ST3GAL1: variants seen among roughly 807,000 people sequenced by gnomAD.
ST3GAL1 encodes the protein CMP-N-acetylneuraminate-beta-galactosamide-alpha-2,3-sialyltransferase 1.
In ST3GAL1, 16 loss-of-function variants were observed where a neutral mutation model predicts 34.1. The ratio of observed to expected loss-of-function variants is 0.47; its 90% CI spans 0.32 to 0.71. ST3GAL1 has a LOEUF of 0.71. Ranked by LOEUF, ST3GAL1 falls within the 30% of genes least tolerant of loss-of-function variation. The pLI, the probability that ST3GAL1 is intolerant of heterozygous loss-of-function variation, is 0.04. For missense variants in ST3GAL1, 353 were observed against 447.4 expected (o/e 0.79, Z 1.90); for synonymous variants, 191 against 184.7 (o/e 1.03, Z -0.28).
chr8:133,476,163 C>A lies in ST3GAL1; in HGVS notation c.-50-89G>T, dbSNP rs939311456. On this transcript the variant is annotated intron_variant, in intron 4 of 9. Transcript: ENST00000522652. ...GGAATTCCAAGGGAGGACACAAGGG[C>A]CGCTAAGCTCGACTTCACTCCTGCT... The A allele has an allele frequency of 1.1e-5, 11 of 962,286 alleles. No homozygotes were observed. In the African/African-American group the frequency reaches 1.8e-4, roughly 16 times the overall value. 59.6% of individuals were successfully genotyped at this position (962,286 alleles called of 1,614,324 possible). A position where few individuals can be genotyped will look rare whatever the true frequency, so the allele number is the denominator to read the frequency against.
intron 1 of ST3GAL1, among the ~76,000 whole-genome samples, chr8:133,562,929 A>G (rs1323602579): frequency 1.2e-5 from 1 of 85,854 alleles, no homozygotes; most frequent in African/African-American, 4.1e-5. Context: ...TTGTTTTTTT[A>G]TGTGGAGTTG....
chr8:133,479,450 G>T (rs920444890), intron 3 of ST3GAL1, among the ~76,000 whole-genome samples: 2 of 152,182 alleles, frequency 1.3e-5, no homozygotes, highest in Non-Finnish European at 2.9e-5. Flanking sequence ...TGGTGGGGCT[G>T]AGCAGAGGAA....
intron 3 of ST3GAL1, among the ~76,000 whole-genome samples, chr8:133,493,231 T>C (rs571884462): frequency 6.6e-6 from 1 of 152,308 alleles, no homozygotes. Context: ...TGCTCAACTT[T>C]AAAACACACA....
intron 2 of ST3GAL1, among the ~76,000 whole-genome samples, chr8:133,531,644 C>G (rs1340731834): frequency 6.6e-6 from 1 of 151,952 alleles, no homozygotes; most frequent in Non-Finnish European, 1.5e-5. Flanking sequence ...GGGAACAACA[C>G]ACACCAGGGC....
chr8:133,527,838 C>A (rs1166164549), intron 2 of ST3GAL1, among the ~76,000 whole-genome samples: 1 of 152,132 alleles, frequency 6.6e-6, no homozygotes, highest in Non-Finnish European at 1.5e-5. Flanking sequence ...GCTCTGGCCA[C>A]CCCAGGGGAC....
Position 133,525,685 on chromosome 8 carries a change from T to C in ST3GAL1, c.-429+20089A>G, listed in dbSNP as rs147943163. On this transcript the variant is annotated intron_variant, in intron 2 of 9. Coordinates refer to ENST00000522652, the MANE Select transcript of ST3GAL1 (RefSeq NM_173344.3). ...TTGGCTTCCCTCCTGTGCCTGTCGG[T>C]GACCAAAGTCTGGAGGGGGCCAAGA... is the stretch of plus-strand genomic sequence containing the variant. 2.0e-5 allele frequency among the ~76,000 whole-genome samples: 3 copies of C among 152,314 alleles called. No homozygotes were observed. The East Asian group carries it at 5.8e-4, about 29-fold the overall frequency.
rs964834316 is a variant in ST3GAL1 at position 133,469,465 on chromosome 8, C to T, written c.307-3375G>A. ...AACTCCTGACCTCAGGTGATGAACC[C>T]GCCTCAGCCTCCCAAAGTGTTGGGA... On this transcript the variant is annotated intron_variant, in intron 5 of 9. Coordinates refer to ENST00000522652, the MANE Select transcript of ST3GAL1 (RefSeq NM_173344.3). The surrounding 1 kb of genome is among the most constrained non-coding windows in gnomAD (Gnocchi z 4.3). Among the ~76,000 whole-genome samples, 3 of 152,062 alleles carry T rather than the reference C, an allele frequency of 2.0e-5. No homozygotes were observed. The highest frequency in any genetic ancestry group is 2.9e-5 in the Non-Finnish European group (2 of 68,032).
rs77320250 is a variant in ST3GAL1, at chr8:133,543,403, T to C, written c.-429+2371A>G. Among the ~76,000 whole-genome samples, 847 of 152,290 alleles carry C rather than the reference T, an allele frequency of 5.6e-3. 1 individual carries two copies. The highest frequency in any genetic ancestry group is 0.014 in the South Asian group (67 of 4,826). ...TCAGAAGGTTAGATAATAGTCAAAT[T>C]AATGTTAAGTTTCTGACTTAGAAAG... On this transcript the variant is annotated intron_variant, in intron 2 of 9. Coordinates refer to ENST00000522652, the MANE Select transcript of ST3GAL1 (RefSeq NM_173344.3).
At chr8:133,484,601 A>T (rs913848164) in intron 3 of ST3GAL1, among the ~76,000 whole-genome samples, 1 of 152,120 alleles carries the variant, frequency 6.6e-6, no homozygotes, top group African/African-American at 2.4e-5. Context: ...TGGAACTTCC[A>T]CATGGAACTC....
intron 3 of ST3GAL1, among the ~76,000 whole-genome samples, chr8:133,486,807 C>A (rs971867456): frequency 6.6e-6 from 1 of 152,220 alleles, no homozygotes. Flanking sequence ...CGGAGCACAG[C>A]GTGACTTGGG....
intron 2 of ST3GAL1, among the ~76,000 whole-genome samples, chr8:133,503,661 G>T (rs1392233971): frequency 1.3e-5 from 2 of 152,088 alleles, no homozygotes; most frequent in African/African-American, 2.4e-5. Context: ...TGGCAAGTAC[G>T]TCGCAGCTCC....
intron 2 of ST3GAL1, among the ~76,000 whole-genome samples, chr8:133,531,806 TAAAAACAGAA>T (rs1394126836): frequency 1.0e-4 from 11 of 105,308 alleles, no homozygotes; most frequent in Middle Eastern, 5.1e-3. Context: ...TCCCGAAACT[TAAAAACAGAA>T]AAAAAAAAAA....
rs1287760256 is a variant in ST3GAL1, at chr8:133,541,116, T to TAGAG, written c.-429+4657_-429+4658insCTCT. ...ATAAACATATATATATATATATATA[T>TAGAG]ATATAGAGAGAGAGAGAGAGAGAGA... On this transcript the variant is annotated intron_variant, in intron 2 of 9. Transcript: ENST00000522652. 9.6e-3 allele frequency among the ~76,000 whole-genome samples: 467 copies of TAGAG among 48,474 alleles called. 65 individuals carry two copies. The highest frequency in any genetic ancestry group is 0.02 in the African/African-American group (182 of 9,212). 31.8% of individuals were successfully genotyped at this position (48,474 alleles called of 152,430 possible).
chr8:133,563,127 A>AT (rs1433804374), intron 1 of ST3GAL1, among the ~76,000 whole-genome samples: 3 of 151,630 alleles, frequency 2.0e-5, no homozygotes, highest in Non-Finnish European at 2.9e-5. Context: ...ATTCAAATGG[A>AT]TTTTTTTTAA....
At position 133,459,207 on chromosome 8, in the gene ST3GAL1, G is replaced by A. The variant is rs1239942430; in HGVS notation, c.*557C>T. ...ACGGCACCTGGCCTCAAGTTTCTGT[G>A]AAAATCTTTGGGGTAGGAGCCTCTG... On this transcript the variant is annotated 3_prime_UTR_variant, in exon 10 of 10. Transcript: ENST00000522652. The surrounding 1 kb of genome is among the most constrained non-coding windows in gnomAD (Gnocchi z 4.7). The A allele has an allele frequency of 6.6e-6, 1 of 152,218 alleles. No homozygotes were observed. Among genetic ancestry groups the A allele is most frequent in the East Asian group, 1.9e-4 (1 of 5,170 alleles). 9.4% of individuals were successfully genotyped at this position (152,218 alleles called of 1,614,324 possible). A position where few individuals can be genotyped will look rare whatever the true frequency, so the allele number is the denominator to read the frequency against.
chr8:133,475,574 T>C lies in ST3GAL1; in HGVS notation c.306+145A>G, dbSNP rs866824724. 85 of 984,994 alleles carry C rather than the reference T, an allele frequency of 8.6e-5. No individual in the cohort carries two copies. In the Middle Eastern group the frequency reaches 3.6e-3, roughly 42 times the overall value. 61.0% of individuals were successfully genotyped at this position (984,994 alleles called of 1,614,324 possible). A position where few individuals can be genotyped will look rare whatever the true frequency, so the allele number is the denominator to read the frequency against. ...TAACTCTGAGAGCACCTCACTCTCA[T>C]TACCAGACCCCTACCCTCAGCCCAG... On this transcript the variant is annotated intron_variant, in intron 5 of 9. Transcript: ENST00000522652.
intron 3 of ST3GAL1, among the ~76,000 whole-genome samples, chr8:133,487,237 C>A (rs2130968727): frequency 6.6e-6 from 1 of 152,204 alleles, no homozygotes; most frequent in African/African-American, 2.4e-5. Context: ...CCACACCGTA[C>A]AATCATGTTA....
chr8:133,511,545 C>T (rs1256286681), intron 2 of ST3GAL1, among the ~76,000 whole-genome samples: 1 of 152,218 alleles, frequency 6.6e-6, no homozygotes, highest in Non-Finnish European at 1.5e-5. Context: ...GAGGTGAAGT[C>T]ACTTGTTCCA....
chr8:133,562,799 TTCCTTCC>T (rs1586672696), intron 1 of ST3GAL1, among the ~76,000 whole-genome samples: 1 of 11,514 alleles, frequency 8.7e-5, no homozygotes, highest in East Asian at 6.7e-3. Context: ...CTTTCTTTCC[TTCCTTCC>T]TTCCTTCCTT....
Sources: gnomAD v4.1 joint callset for allele counts (sites outside exome capture counted in the v4.1 genomes callset) on GRCh38, gnomAD v4.1.1 for gene constraint, Gnocchi (gnomAD v3.1) non-coding constraint, MANE v1.5 for transcripts, NCBI Gene and HGNC (gene_info 2026-07-23, HGNC 2026-07-21) for gene names.